Variants in TRPM8 observed in about 807,000 individuals in gnomAD.
TRPM8 encodes transient receptor potential cation channel subfamily M member 8.
Under a neutral mutation model 133.7 loss-of-function variants are expected in TRPM8, and 110 were observed. The ratio of observed to expected loss-of-function variants is 0.82; its 90% CI spans 0.70 to 0.96. The LOEUF (loss-of-function observed/expected upper bound fraction) is 0.96. Ranked by LOEUF, TRPM8 falls within the 40% of genes least tolerant of loss-of-function variation. TRPM8 has a pLI of 0.00. For synonymous variants in TRPM8, 535 were observed against 532.3 expected, an observed-to-expected ratio of 1.01 and a Z score of -0.07; for missense variants, 1,291 against 1,379.5, an observed-to-expected ratio of 0.94 and a Z score of 1.02.
intron 22 of TRPM8, among the ~76,000 whole-genome samples, chr2:233,999,495 G>A (rs756372416): frequency 9.9e-5 from 15 of 151,370 alleles, no homozygotes; most frequent in Non-Finnish European, 1.9e-4. Flanking sequence ...CCTGCCCGGT[G>A]GGTGGAAGAA....
chr2:233,927,770 CTTTCTTTCTTTCTTTCT>C (rs1225620044), intron 2 of TRPM8, among the ~76,000 whole-genome samples: 4 of 65,508 alleles, frequency 6.1e-5, no homozygotes, highest in Non-Finnish European at 9.5e-5. Context: ...TTCTTTCTTT[CTTTCTTTCTTTCTTTCT>C]TTCTTTTCTT....
At chr2:233,992,385 A>G (rs1370721167) in intron 21 of TRPM8, among the ~76,000 whole-genome samples, 1 of 152,118 alleles carries the variant, frequency 6.6e-6, no homozygotes, top group African/African-American at 2.4e-5. Flanking sequence ...TGCATTGTAC[A>G]AAAGATGAAT....
At chr2:233,925,212 C>G (rs1306753741) in intron 1 of TRPM8, among the ~76,000 whole-genome samples, 1 of 152,188 alleles carries the variant, frequency 6.6e-6, no homozygotes, top group African/African-American at 2.4e-5. Flanking sequence ...TTGATTCAAT[C>G]AAACTATTCA....
intron 1 of TRPM8, among the ~76,000 whole-genome samples, chr2:233,925,160 T>C (rs1312945310): frequency 1.3e-5 from 2 of 152,142 alleles, no homozygotes; most frequent in African/African-American, 4.8e-5. Flanking sequence ...ACAGGTGACG[T>C]GGAAATAGTT....
At chr2:233,939,269 A>T in intron 5 of TRPM8, 94 bp downstream of exon 5, 1 of 1,371,954 alleles carries the variant, frequency 7.3e-7, no homozygotes, top group Non-Finnish European at 1.0e-6. Flanking sequence ...ATTCCGGAGA[A>T]TCCGGGTGCT....
At chr2:233,967,352 C>T (rs1014427664) in intron 15 of TRPM8, among the ~76,000 whole-genome samples, 10 of 152,226 alleles carry the variant, frequency 6.6e-5, no homozygotes, top group African/African-American at 2.4e-4. Flanking sequence ...TTTTCACCCA[C>T]AGTTCCAGTT....
Position 233,985,804 on chromosome 2 carries a change from G to T in TRPM8, c.2878G>T (p.Val960Leu), listed in dbSNP as rs781648773. 1 of 1,614,066 alleles carries T rather than the reference G, an allele frequency of 6.2e-7. No individual in the cohort carries two copies. The highest frequency in any genetic ancestry group is 8.5e-7 in the Non-Finnish European group (1 of 1,180,044). Residue 960 changes from valine (V) to leucine (L), a missense_variant, in exon 21 of 26, where the codon GTG becomes TTG. Around this residue, in one of 2 missense-constraint regions of TRPM8, gnomAD observed 328 missense variants for 410.6 expected, o/e 0.80. Transcript: ENST00000324695. ...RFPEWITIPL[V>L]CIYMLSTNIL... ...CCCCGAGTGGATCACCATCCCCCTG[G>T]TGTGCATCTACATGTTATCCACCAA...
At position 233,982,983 on chromosome 2, in the gene TRPM8, C is replaced by T. The variant is rs760262899; in HGVS notation, c.2590-70C>T. ...GCTCTTCTCCATGGTCCACTGAGGA[C>T]GGCCGGGCCGGGGGGACTTGCCAAC... On this transcript the variant is annotated intron_variant, in intron 19 of 25. Coordinates refer to ENST00000324695, the MANE Select transcript of TRPM8 (RefSeq NM_024080.5). 3.7e-5 allele frequency: 57 copies of T among 1,541,030 alleles called. No individual in the cohort carries two copies. The Middle Eastern group carries it at 9.3e-4, about 25-fold the overall frequency.
At chr2:233,941,057 C>G (rs556377146) in intron 5 of TRPM8, among the ~76,000 whole-genome samples, 3 of 152,108 alleles carry the variant, frequency 2.0e-5, no homozygotes, top group Non-Finnish European at 2.9e-5. Flanking sequence ...CATTTGTGCA[C>G]GCCCTGTTGA....
At chr2:233,988,703 A>G (rs1692206758) in intron 21 of TRPM8, among the ~76,000 whole-genome samples, 2 of 152,130 alleles carry the variant, frequency 1.3e-5, no homozygotes. Flanking sequence ...GGGAAGGGGA[A>G]ACTCTCCCTC....
chr2:233,935,583 G>T (rs887932775), intron 3 of TRPM8, among the ~76,000 whole-genome samples: 5 of 152,224 alleles, frequency 3.3e-5, no homozygotes, highest in Non-Finnish European at 7.3e-5. Context: ...ACTGATAAAA[G>T]GAGAGCTGTG....
At chr2:233,966,945 T>C (rs568400877) in intron 15 of TRPM8, among the ~76,000 whole-genome samples, 190 bp downstream of exon 15, 2 of 152,188 alleles carry the variant, frequency 1.3e-5, no homozygotes, top group Non-Finnish European at 2.9e-5. Flanking sequence ...CTTTAAGAGA[T>C]GGTGCAGGAC....
At chr2:233,995,821 T>C (rs1490691963) in intron 21 of TRPM8, among the ~76,000 whole-genome samples, 1 of 152,148 alleles carries the variant, frequency 6.6e-6, no homozygotes, top group Non-Finnish European at 1.5e-5. Context: ...TTTTTCTTAG[T>C]ATTTCCTTAT....
intron 17 of TRPM8, among the ~76,000 whole-genome samples, chr2:233,977,391 T>A (rs1264016472): frequency 1.3e-5 from 2 of 152,076 alleles, no homozygotes; most frequent in Non-Finnish European, 2.9e-5. Context: ...AAACACATTA[T>A]CTCCCTGCGA....
intron 24 of TRPM8, chr2:234,013,642 G>GT (rs1363892003): frequency 6.6e-6 from 1 of 151,900 alleles, no homozygotes; most frequent in Non-Finnish European, 1.5e-5. Flanking sequence ...TGCTCTTGGA[G>GT]TTTTTGCTCT....
At chr2:233,974,381 G>A (rs1227295073) in intron 17 of TRPM8, among the ~76,000 whole-genome samples, 2 of 151,998 alleles carry the variant, frequency 1.3e-5, no homozygotes, top group East Asian at 1.9e-4. Context: ...CTACAGGCAC[G>A]CACCACCATG....
At chr2:233,931,075 C>A (rs1466712124) in intron 3 of TRPM8, among the ~76,000 whole-genome samples, 2 of 152,042 alleles carry the variant, frequency 1.3e-5, no homozygotes, top group Admixed American at 6.5e-5. Flanking sequence ...CAATACCATG[C>A]ATGTGTACAT....
At chr2:233,943,065 A>ATATTT in intron 6 of TRPM8, 2 of 243,100 alleles carry the variant, frequency 8.2e-6, no homozygotes, top group East Asian at 1.1e-4. Context: ...CAACTGCAGT[A>ATATTT]TCTTTTTTTT....
In TRPM8 at chr2:233,937,420, G is replaced by A. The variant is rs759082023; in HGVS notation, c.259G>A (p.Glu87Lys). 3 of 1,614,054 alleles carry A rather than the reference G, an allele frequency of 1.9e-6. No individual in the cohort carries two copies. The highest frequency in any genetic ancestry group is 1.7e-6 in the Non-Finnish European group (2 of 1,180,038). The change falls in exon 4 of 26, where the codon GAG becomes AAG. Residue 87 changes from glutamate to lysine, a missense_variant. By Grantham distance (56) the Glu-to-Lys change is moderately conservative. Coordinates refer to ENST00000324695, the MANE Select transcript of TRPM8 (RefSeq NM_024080.5). ...HMEGTQINQS[E>K]KWNYKKHTKE... The stretch of plus-strand genomic sequence containing the variant: ...GGAAGGCACCCAGATCAACCAAAGT[G>A]AGAAATGGAACTACAAGAAACACAC...
Sources: gnomAD v4.1 joint callset for allele counts (sites outside exome capture counted in the v4.1 genomes callset) on GRCh38, gnomAD v4.1.1 for gene constraint, gnomAD v4.1.1 regional missense constraint, MANE v1.5 for transcripts, NCBI Gene and HGNC (gene_info 2026-07-23, HGNC 2026-07-21) for gene names.